The following SND1 variants were observed in gnomAD, a reference collection of about 807,000 sequenced individuals.
SND1 encodes staphylococcal nuclease and tudor domain containing 1, also known as staphylococcal nuclease domain-containing protein 1.
Under a neutral mutation model 121.7 loss-of-function variants are expected in SND1, and 38 were observed. The observed-to-expected ratio is 0.31, with a 90% CI of 0.24 to 0.41. SND1 has a LOEUF of 0.41. SND1 is among the 10% of genes least tolerant of loss of function. The pLI is 1.00. For synonymous variants in SND1, 401 were observed against 447.4 expected (o/e 0.90, Z 1.31); for missense variants, 868 against 1,184.6 (o/e 0.73, Z 3.92).
At chr7:127,726,275 T>C (rs1218017233) in intron 10 of SND1, among the ~76,000 whole-genome samples, 2 of 152,174 alleles carry the variant, frequency 1.3e-5, no homozygotes, top group African/African-American at 4.8e-5. Flanking sequence ...AAAGGAGGGA[T>C]GTGCAATATT....
intron 10 of SND1, among the ~76,000 whole-genome samples, chr7:127,788,622 A>G (rs1797856026): frequency 6.6e-6 from 1 of 152,182 alleles, no homozygotes; most frequent in Non-Finnish European, 1.5e-5. Context: ...ATCTGACTGA[A>G]ACTGCTCTTG....
rs73465821 is a variant in SND1, at chr7:127,840,753, T to C, written c.1243-3571T>C. ...CACAGGGGAGGGACACAAATGCTAA[T>C]TACACATTGACTTTAATTCCTGATT... On this transcript the variant is annotated intron_variant, in intron 11 of 23. Transcript: ENST00000354725. Among the ~76,000 whole-genome samples the C allele has an allele frequency of 3.3e-3, 499 of 152,338 alleles. 2 individuals carry two copies. Among genetic ancestry groups the C allele is most frequent in the African/African-American group, 0.011 (441 of 41,582 alleles).
intron 17 of SND1, among the ~76,000 whole-genome samples, chr7:128,077,288 A>AC (rs1295870973): frequency 4.6e-5 from 7 of 152,238 alleles, no homozygotes; most frequent in African/African-American, 1.7e-4. Flanking sequence ...CAAGAGAAGG[A>AC]CCTGGGACTC....
chr7:128,080,691 C>A (rs1414530235), intron 17 of SND1, among the ~76,000 whole-genome samples: 2 of 152,204 alleles, frequency 1.3e-5, no homozygotes, highest in African/African-American at 4.8e-5. Flanking sequence ...GCAGGGCTCT[C>A]ACACTCGGAC....
intron 10 of SND1, among the ~76,000 whole-genome samples, chr7:127,744,966 T>A (rs1212942428): frequency 6.6e-6 from 1 of 152,254 alleles, no homozygotes. Context: ...AAGGTTTCCC[T>A]TTTAAAACTT....
intron 15 of SND1, among the ~76,000 whole-genome samples, chr7:127,941,850 A>G (rs1347677785): frequency 5.8e-5 from 6 of 104,092 alleles, no homozygotes; most frequent in Admixed American, 4.5e-4. Flanking sequence ...GCAAACTGCT[A>G]TTTCTTTTTT....
At position 127,704,862 on chromosome 7, in the gene SND1, C is replaced by G. The variant is rs1796161993; in HGVS notation, c.864C>G (p.Leu288=). The G allele has an allele frequency of 6.2e-7, 1 of 1,613,912 alleles. No individual in the cohort carries two copies. Among genetic ancestry groups the G allele is most frequent in the Non-Finnish European group, 8.5e-7 (1 of 1,179,956 alleles). The change falls in exon 8 of 24, where the codon CTC becomes CTG. Residue 288 remains leucine (L), a synonymous_variant. Transcript: ENST00000354725. ...AGAATGGCAACATCACAGAGCTCCT[C>G]CTGAAGGAAGGTTTCGCACGCTGTG... ...LHPNGNITEL[L]LKEGFARCVD...
chr7:127,946,255 A>C (rs1801327806), intron 15 of SND1, among the ~76,000 whole-genome samples: 1 of 152,226 alleles, frequency 6.6e-6, no homozygotes, highest in Admixed American at 6.5e-5. Flanking sequence ...ATGTGATCAT[A>C]GAGCAAGAGA....
At chr7:127,951,191 G>C (rs571131736) in intron 15 of SND1, among the ~76,000 whole-genome samples, 3 of 152,076 alleles carry the variant, frequency 2.0e-5, no homozygotes, top group Admixed American at 6.5e-5. Flanking sequence ...AGGAACCAAT[G>C]GATAAAGAAA....
At chr7:127,795,399 T>G (rs1797997547) in intron 10 of SND1, among the ~76,000 whole-genome samples, 7 of 152,140 alleles carry the variant, frequency 4.6e-5, no homozygotes, top group Admixed American at 4.6e-4. Flanking sequence ...ACTTCATGAG[T>G]TTTTTTGAGG....
intron 15 of SND1, among the ~76,000 whole-genome samples, chr7:127,976,886 G>T (rs1469087026): frequency 6.6e-6 from 1 of 152,184 alleles, no homozygotes; most frequent in Non-Finnish European, 1.5e-5. Flanking sequence ...GTGGAGGCAG[G>T]AAACCTTTGC....
rs1158535023 is a variant in SND1, at chr7:127,922,175, C to CTTTTTTTTTTTTTT, written c.1528-6998_1528-6985dup. ...CCAGCTGATTTTCTTTTTTTCTTTC[C>CTTTTTTTTTTTTTT]TTTTTTTTTTTTTTTTTTTTTTTTT... On this transcript the variant is annotated intron_variant, in intron 14 of 23. Coordinates refer to ENST00000354725, the MANE Select transcript of SND1 (RefSeq NM_014390.4). 9.0e-3 allele frequency among the ~76,000 whole-genome samples: 515 copies of CTTTTTTTTTTTTTT among 57,208 alleles called. 20 individuals are homozygous for CTTTTTTTTTTTTTT. The highest frequency in any genetic ancestry group is 0.032 in the Middle Eastern group (2 of 62). 37.5% of individuals were successfully genotyped at this position (57,208 alleles called of 152,430 possible).
At chr7:127,738,539 A>T (rs1223853370) in intron 10 of SND1, among the ~76,000 whole-genome samples, 2 of 152,068 alleles carry the variant, frequency 1.3e-5, no homozygotes, top group Admixed American at 6.5e-5. Context: ...TCAGACTCCC[A>T]AAGTGCTGGG....
At chr7:128,047,689 G>T (rs1248105612) in intron 16 of SND1, among the ~76,000 whole-genome samples, 1 of 152,164 alleles carries the variant, frequency 6.6e-6, no homozygotes, top group Non-Finnish European at 1.5e-5. Flanking sequence ...CTTTGAAAAG[G>T]GTATAACTTA....
At chr7:127,743,330 G>A (rs1014775001) in intron 10 of SND1, among the ~76,000 whole-genome samples, 3 of 152,226 alleles carry the variant, frequency 2.0e-5, no homozygotes, top group African/African-American at 7.2e-5. Flanking sequence ...TTCCCTTGAA[G>A]CTTTCTTTGC....
At chr7:127,888,820 G>A (rs934528914) in intron 13 of SND1, among the ~76,000 whole-genome samples, 2 of 152,106 alleles carry the variant, frequency 1.3e-5, no homozygotes, top group Admixed American at 1.3e-4. Context: ...TTTTTCCATA[G>A]CCTCTAGGAC....
Position 127,807,562 on chromosome 7 carries a change from A to T in SND1, c.1231A>T (p.Ile411Phe). The part of the protein sequence containing the change: ...EAREFLRKKL[I>F]GKKVNVTVDY... ...CCGGGAATTTCTTCGAAAAAAGCTT[A>T]TTGGGAAGAAGGTAAGTAATTGATG... The change falls in exon 11 of 24, where the codon ATT (isoleucine) becomes TTT (phenylalanine). Residue 411 changes from isoleucine to phenylalanine, a missense_variant. Physicochemically the swap from Ile to Phe is conservative, Grantham distance 21. Transcript: ENST00000354725. The T allele has an allele frequency of 1.2e-6, 2 of 1,613,182 alleles. No homozygotes were observed. The highest frequency in any genetic ancestry group is 1.7e-6 in the Non-Finnish European group (2 of 1,179,174).
At chr7:128,047,374 C>G (rs1345211518) in intron 16 of SND1, among the ~76,000 whole-genome samples, 1 of 152,222 alleles carries the variant, frequency 6.6e-6, no homozygotes, top group Non-Finnish European at 1.5e-5. Flanking sequence ...TTCCAAACTT[C>G]AGATATTTTT....
chr7:127,745,190 C>CTAGG (rs1344275379), intron 10 of SND1, among the ~76,000 whole-genome samples: 1 of 152,140 alleles, frequency 6.6e-6, no homozygotes, highest in African/African-American at 2.4e-5. Context: ...TCACACAAAC[C>CTAGG]TAGGTAGTAT....
Sources: gnomAD v4.1 joint callset for allele counts (sites outside exome capture counted in the v4.1 genomes callset) on GRCh38, gnomAD v4.1.1 for gene constraint, MANE v1.5 for transcripts, NCBI Gene and HGNC (gene_info 2026-07-23, HGNC 2026-07-21) for gene names.